NCKAP5: variants seen among roughly 807,000 people sequenced by gnomAD.
NCKAP5 encodes nck-associated protein 5.
NCKAP5 carries 92 observed loss-of-function variants against 167.0 expected under a neutral mutation model. The ratio of observed to expected loss-of-function variants is 0.55; its 90% CI spans 0.47 to 0.66. NCKAP5 has a LOEUF of 0.66. Among genes scored for constraint, NCKAP5 ranks in the 30% least tolerant of loss-of-function variants. NCKAP5 has a pLI of 0.00. For synonymous variants in NCKAP5, 891 were observed against 877.4 expected, an observed-to-expected ratio of 1.02 and a Z score of -0.27; for missense variants, 2,378 against 2,315.0, an observed-to-expected ratio of 1.03 and a Z score of -0.56.
chr2:132,716,440 CT>C (rs966239142), intron 19 of NCKAP5, among the ~76,000 whole-genome samples: 2 of 152,232 alleles, frequency 1.3e-5, no homozygotes, highest in African/African-American at 4.8e-5. Context: ...CGGCCAAAGC[CT>C]GCTAATTTGC....
Position 133,342,360 on chromosome 2 carries a change from C to T in NCKAP5, c.70-39250G>A, listed in dbSNP as rs11900283. 7.5e-3 allele frequency among the ~76,000 whole-genome samples: 1,143 copies of T among 152,174 alleles called. 16 individuals are homozygous for T. Among genetic ancestry groups the T allele is most frequent in the African/African-American group, 0.024 (994 of 41,490 alleles). ...TGATCTTATGCAGATGACCCACGGA[C>T]CATGTTGTGACAAATGATGCCTTTA... On this transcript the variant is annotated intron_variant, in intron 3 of 19. Coordinates refer to ENST00000409261, the MANE Select transcript of NCKAP5 (RefSeq NM_207363.3).
At chr2:132,835,876 G>T (rs541358615) in intron 11 of NCKAP5, among the ~76,000 whole-genome samples, 1 of 152,234 alleles carries the variant, frequency 6.6e-6, no homozygotes, top group East Asian at 1.9e-4. Flanking sequence ...CTACCCCCAG[G>T]CTTCTCCCTG....
intron 5 of NCKAP5, among the ~76,000 whole-genome samples, chr2:133,190,989 G>A (rs1413156118): frequency 3.9e-5 from 6 of 151,994 alleles, no homozygotes; most frequent in African/African-American, 9.7e-5. Flanking sequence ...CAGGCAACCT[G>A]CAGAATGGGA....
At position 132,673,279 on chromosome 2, in the gene NCKAP5, T is replaced by C; in HGVS notation, c.*10A>G. ...TCGATAATCTATTCTCGGGATCGTC[T>C]TTTGTTTCTTCAAGTTGTCTCAATT... is the stretch of plus-strand genomic sequence containing the variant. On this transcript the variant is annotated 3_prime_UTR_variant, in exon 20 of 20. Transcript: ENST00000409261. 6.6e-7 allele frequency: 1 copy of C among 1,513,730 alleles called. No individual in the cohort carries two copies. Among genetic ancestry groups the C allele is most frequent in the Non-Finnish European group, 8.9e-7 (1 of 1,129,072 alleles). 93.8% of individuals were successfully genotyped at this position (1,513,730 alleles called of 1,614,324 possible).
intron 2 of NCKAP5, among the ~76,000 whole-genome samples, chr2:133,522,729 A>C (rs1373967444): frequency 6.6e-6 from 1 of 152,230 alleles, no homozygotes; most frequent in East Asian, 1.9e-4. Context: ...CTTTTTAGCC[A>C]AGCATATTCG....
At chr2:133,095,945 C>A (rs2081332894) in intron 6 of NCKAP5, among the ~76,000 whole-genome samples, 2 of 152,104 alleles carry the variant, frequency 1.3e-5, no homozygotes, top group African/African-American at 4.8e-5. Flanking sequence ...ACGGTGGACA[C>A]ATGGCCTCAG....
intron 3 of NCKAP5, among the ~76,000 whole-genome samples, chr2:133,498,635 T>G (rs572271189): frequency 6.6e-6 from 1 of 151,658 alleles, no homozygotes; most frequent in South Asian, 2.1e-4. Flanking sequence ...TGTACAACTT[T>G]TATGCATCCA....
chr2:132,721,854 T>C (rs145461543), intron 19 of NCKAP5, among the ~76,000 whole-genome samples: 2 of 152,316 alleles, frequency 1.3e-5, no homozygotes, highest in Non-Finnish European at 2.9e-5. Context: ...CGCAGACACC[T>C]TGGTGGAGGG....
chr2:133,091,666 C>T (rs7568126), intron 6 of NCKAP5, among the ~76,000 whole-genome samples: 7,752 of 152,078 alleles, frequency 0.051, 635 homozygotes, highest in African/African-American at 0.17. Context: ...GGTGGGCAGA[C>T]CACGAGGTCA....
At chr2:132,947,216 A>C (rs1160044886) in intron 8 of NCKAP5, among the ~76,000 whole-genome samples, 1 of 152,190 alleles carries the variant, frequency 6.6e-6, no homozygotes, top group Non-Finnish European at 1.5e-5. Context: ...TTAATATGAA[A>C]ATTTTTTGAA....
chr2:133,199,482 C>T lies in NCKAP5; in HGVS notation c.207+14234G>A, dbSNP rs576800471. ...CAATAAGCACATGAAAAGTACTCAA[C>T]ATCTTTTATCATCAAGGTAATGCAA... On this transcript the variant is annotated intron_variant, in intron 5 of 19. Coordinates refer to ENST00000409261, the MANE Select transcript of NCKAP5 (RefSeq NM_207363.3). 5.3e-5 allele frequency among the ~76,000 whole-genome samples: 8 copies of T among 152,118 alleles called. No homozygotes were observed. The South Asian group carries it at 1.7e-3, about 32-fold the overall frequency.
At chr2:133,025,591 T>C (rs1488797706) in intron 6 of NCKAP5, among the ~76,000 whole-genome samples, 2 of 152,168 alleles carry the variant, frequency 1.3e-5, no homozygotes, top group African/African-American at 4.8e-5. Flanking sequence ...TTGTTAATTA[T>C]GGCATCAACA....
intron 2 of NCKAP5, among the ~76,000 whole-genome samples, chr2:133,526,064 A>C (rs1684843825): frequency 6.6e-6 from 1 of 152,014 alleles, no homozygotes; most frequent in South Asian, 2.1e-4. Flanking sequence ...ATTCAAAATT[A>C]AGTAATATAT....
chr2:132,851,645 C>T (rs548800010), intron 11 of NCKAP5, among the ~76,000 whole-genome samples: 14 of 152,276 alleles, frequency 9.2e-5, no homozygotes, highest in Non-Finnish European at 1.6e-4. Flanking sequence ...CTATTTGCCT[C>T]GTTGGTATCT....
chr2:133,370,927 C>G (rs1685768301), intron 3 of NCKAP5, among the ~76,000 whole-genome samples: 1 of 152,032 alleles, frequency 6.6e-6, no homozygotes, highest in African/African-American at 2.4e-5. Context: ...GCTTATTGAC[C>G]TGAAAGTTAC....
chr2:133,420,490 G>A (rs573436104), intron 3 of NCKAP5, among the ~76,000 whole-genome samples: 1 of 152,176 alleles, frequency 6.6e-6, no homozygotes, highest in Non-Finnish European at 1.5e-5. Context: ...CTGGTTATGA[G>A]GTTTCTTTTT....
intron 3 of NCKAP5, among the ~76,000 whole-genome samples, chr2:133,478,852 G>A (rs1233907922): frequency 6.6e-6 from 1 of 151,954 alleles, no homozygotes; most frequent in African/African-American, 2.4e-5. Context: ...GCATGCTGGG[G>A]ACAGTGACAA....
chr2:132,731,920 G>A lies in NCKAP5; in HGVS notation c.5260C>T (p.Leu1754Phe). 6.2e-7 allele frequency: 1 copy of A among 1,613,978 alleles called. No individual in the cohort carries two copies. Among genetic ancestry groups the A allele is most frequent in the South Asian group, 1.1e-5 (1 of 91,088 alleles). Reference sequence around the variant, plus strand: ...GAAACTGCAGAAAGGGCTGACTGGAGAGGCAGGAGAGGCTCAGCGTCCTCT... The same window carrying A: ...GAAACTGCAGAAAGGGCTGACTGGAAAGGCAGGAGAGGCTCAGCGTCCTCT... ...SPEDAEPLLP[L>F]QSALSAVSSM... Residue 1754 changes from leucine (L) to phenylalanine (F), a missense_variant, in exon 17 of 20, where the codon CTC (leucine) becomes TTC (phenylalanine). Coordinates refer to ENST00000409261, the MANE Select transcript of NCKAP5 (RefSeq NM_207363.3).
intron 4 of NCKAP5, among the ~76,000 whole-genome samples, chr2:133,281,327 A>AT (rs1315359853): frequency 6.6e-6 from 1 of 152,156 alleles, no homozygotes; most frequent in African/African-American, 2.4e-5. Flanking sequence ...TCAAAATTAT[A>AT]TTTTTTTCAA....
Sources: allele counts gnomAD v4.1 joint callset (sites outside exome capture counted in the v4.1 genomes callset), GRCh38; gene constraint gnomAD v4.1.1; transcripts MANE v1.5; gene names NCBI Gene and HGNC (gene_info 2026-07-23, HGNC 2026-07-21).